The following KIF5B variants were observed in gnomAD, a reference collection of about 807,000 sequenced individuals.
KIF5B encodes kinesin-1 heavy chain.
In KIF5B, 49 loss-of-function variants were observed where a neutral mutation model predicts 132.8. The observed-to-expected ratio is 0.37, with a 90% CI of 0.29 to 0.47. KIF5B has a LOEUF of 0.47. Among genes scored for constraint, KIF5B ranks in the 20% least tolerant of loss-of-function variants. The pLI is 1.00. For synonymous variants in KIF5B, 355 were observed against 369.4 expected (o/e 0.96, Z 0.45); for missense variants, 780 against 1,144.0 (o/e 0.68, Z 4.59).
At chr10:32,044,040 C>A (rs1178917907) in intron 2 of KIF5B, among the ~76,000 whole-genome samples, 1 of 152,158 alleles carries the variant, frequency 6.6e-6, no homozygotes, top group African/African-American at 2.4e-5. Flanking sequence ...CCCTAGGTAC[C>A]CACGACCTAC....
At chr10:32,023,695 A>G (rs1841294488) in intron 15 of KIF5B, among the ~76,000 whole-genome samples, 1 of 152,208 alleles carries the variant, frequency 6.6e-6, no homozygotes, top group African/African-American at 2.4e-5. Flanking sequence ...ACAGAACAGA[A>G]TAAAGAGCCC....
Position 32,038,169 on chromosome 10 carries a change from A to G in KIF5B, c.492T>C (p.Tyr164=). 1 of 1,596,024 alleles carries G rather than the reference A, an allele frequency of 6.3e-7. No individual in the cohort carries two copies. Among genetic ancestry groups the G allele is most frequent in the Non-Finnish European group, 8.6e-7 (1 of 1,164,802 alleles). The change falls in exon 6 of 26, where the codon TAT becomes TAC. Residue 164 remains tyrosine (Y), a synonymous_variant. Coordinates refer to ENST00000302418, the MANE Select transcript of KIF5B (RefSeq NM_004521.3). ...ACAACTGTACTATAAATACCTTTAC[A>G]TAGGGAACTCGGTTTTTGTCTTCAT... ...SVHEDKNRVP[Y]VKGCTERFVC...
intron 15 of KIF5B, among the ~76,000 whole-genome samples, chr10:32,023,383 C>G (rs1180681184): frequency 6.6e-6 from 1 of 152,138 alleles, no homozygotes; most frequent in Non-Finnish European, 1.5e-5. Context: ...TCAGTAAATT[C>G]ATTGTTAATC....
chr10:32,024,064 C>A lies in KIF5B; in HGVS notation c.1726-1028G>T, dbSNP rs75378992. On this transcript the variant is annotated intron_variant, in intron 15 of 25. Coordinates refer to ENST00000302418, the MANE Select transcript of KIF5B (RefSeq NM_004521.3). ...TGACGTTGAGAGTAAAAAAAAAAAA[C>A]AAAAAAAAAAAAACAAGACACAGAG... 9.1e-3 allele frequency among the ~76,000 whole-genome samples: 906 copies of A among 99,644 alleles called. 11 individuals are homozygous for A. Among genetic ancestry groups the A allele is most frequent in the East Asian group, 0.088 (256 of 2,904 alleles). 65.4% of individuals were successfully genotyped at this position (99,644 alleles called of 152,430 possible).
chr10:32,040,373 T>C lies in KIF5B; in HGVS notation c.288+11A>G. ...GCAAACCACATCTAAGTACAGATTA[T>C]AAAACGTTACCTCCATTGTGTGTGT... On this transcript the variant is annotated intron_variant, in intron 3 of 25. Coordinates refer to ENST00000302418, the MANE Select transcript of KIF5B (RefSeq NM_004521.3). The C allele has an allele frequency of 6.5e-7, 1 of 1,532,908 alleles. No homozygotes were observed. Among genetic ancestry groups the C allele is most frequent in the Non-Finnish European group, 9.0e-7 (1 of 1,106,172 alleles). 95.0% of individuals were successfully genotyped at this position (1,532,908 alleles called of 1,614,324 possible).
At chr10:32,055,596 G>A (rs536202656) in intron 1 of KIF5B, among the ~76,000 whole-genome samples, 2 of 152,168 alleles carry the variant, frequency 1.3e-5, no homozygotes, top group Non-Finnish European at 1.5e-5. Context: ...TGCCCCAGGT[G>A]GGGGAGTGTC....
At chr10:32,047,025 A>G (rs1213464676) in intron 2 of KIF5B, among the ~76,000 whole-genome samples, 1 of 152,234 alleles carries the variant, frequency 6.6e-6, no homozygotes, top group East Asian at 1.9e-4. Flanking sequence ...AGTGTTAAAT[A>G]TTTCATATGA....
intron 15 of KIF5B, 138 bp downstream of exon 15, chr10:32,028,290 C>A (rs550730697): frequency 4.5e-5 from 28 of 626,608 alleles, no homozygotes; most frequent in Non-Finnish European, 6.1e-5. Context: ...ATTTAAAATG[C>A]GGTTAATAAC....
chr10:32,022,993 G>C lies in KIF5B; in HGVS notation c.1769C>G (p.Ala590Gly). Reference protein sequence around the residue: ...TGMIDEEFTVARLYISKMKSE... With the variant: ...TGMIDEEFTVGRLYISKMKSE... ...CTTCATTTTGCTAATGTAGAGTCTT[G>C]CAACAGTGAACTCTTCATCTATCAT... is the stretch of plus-strand genomic sequence containing the variant. The change falls in exon 16 of 26, where the codon GCA (alanine) becomes GGA (glycine). Residue 590 changes from alanine (A) to glycine (G), a missense_variant. Ala to Gly is a moderately conservative substitution (Grantham distance 60, BLOSUM62 0). Around this residue, in one of 9 missense-constraint regions of KIF5B, gnomAD observed 471 missense variants for 569.9 expected, o/e 0.83. Transcript: ENST00000302418. The C allele has an allele frequency of 1.2e-6, 2 of 1,611,552 alleles. No homozygotes were observed. Among genetic ancestry groups the C allele is most frequent in the Non-Finnish European group, 1.7e-6 (2 of 1,178,428 alleles).
intron 2 of KIF5B, among the ~76,000 whole-genome samples, 178 bp downstream of exon 2, chr10:32,048,286 T>C (rs978812629): frequency 6.6e-6 from 1 of 152,212 alleles, no homozygotes; most frequent in African/African-American, 2.4e-5. Context: ...ATCATGGAAT[T>C]TGAGCAATAG....
intron 20 of KIF5B, 102 bp downstream of exon 20, chr10:32,019,756 T>C: frequency 5.6e-6 from 4 of 714,988 alleles, no homozygotes; most frequent in Non-Finnish European, 6.9e-6. Flanking sequence ...CTTTAGCCCA[T>C]ACAAAGTAAA....
chr10:32,022,255 A>C lies in KIF5B; in HGVS notation c.1917T>G (p.His639Gln). 1 of 1,549,506 alleles carries C rather than the reference A, an allele frequency of 6.5e-7. No homozygotes were observed. The highest frequency in any genetic ancestry group is 8.9e-7 in the Non-Finnish European group (1 of 1,124,342). Residue 639 changes from histidine (H) to glutamine (Q), a missense_variant and splice_region_variant, in exon 17 of 26, where the codon CAT (histidine) becomes CAG (glutamine). By Grantham distance (24) the His-to-Gln change is conservative. Transcript: ENST00000302418. ...LAACQLRISQ[H>Q]EAKIKSLTEY... is the part of the protein sequence containing the mutation. Reference sequence around the variant, plus strand: ...CAGTCAATGACTTGATTTTGGCTTCATGCTTTTGGAAAAAATATACTGATA... The same window carrying C: ...CAGTCAATGACTTGATTTTGGCTTCCTGCTTTTGGAAAAAATATACTGATA...
chr10:32,040,109 A>C (rs1386326046), intron 3 of KIF5B, among the ~76,000 whole-genome samples: 2 of 152,210 alleles, frequency 1.3e-5, no homozygotes, highest in Non-Finnish European at 2.9e-5. Flanking sequence ...CCCATATAAC[A>C]GGGTGACAAA....
chr10:32,038,303 G>C, intron 5 of KIF5B, 85 bp from the exon 6 acceptor site: 1 of 898,534 alleles, frequency 1.1e-6, no homozygotes, highest in Admixed American at 2.0e-5. Flanking sequence ...TTCCTGAGCA[G>C]CCTAACAGCA....
intron 16 of KIF5B, 57 bp from the exon 17 acceptor site, chr10:32,022,314 T>G (rs1265422306): frequency 1.2e-6 from 1 of 803,114 alleles, no homozygotes; most frequent in East Asian, 2.5e-5. Context: ...ACTTTAAGAA[T>G]ATTTGACAGT....
intron 15 of KIF5B, among the ~76,000 whole-genome samples, chr10:32,025,744 T>C (rs1357846435): frequency 6.6e-6 from 1 of 152,174 alleles, no homozygotes; most frequent in East Asian, 1.9e-4. Flanking sequence ...CATAGGTGAA[T>C]GGATAAACAA....
intron 2 of KIF5B, among the ~76,000 whole-genome samples, chr10:32,045,316 T>C (rs952546268): frequency 1.3e-5 from 2 of 151,858 alleles, no homozygotes; most frequent in East Asian, 1.9e-4. Context: ...AGAAAAAAAA[T>C]AATGAATGAA....
intron 24 of KIF5B, among the ~76,000 whole-genome samples, chr10:32,016,404 C>T (rs1201341980): frequency 1.3e-5 from 2 of 151,720 alleles, no homozygotes; most frequent in African/African-American, 4.8e-5. Context: ...TGCAGTGAGC[C>T]GAGATCACGC....
chr10:32,055,769 C>A, intron 1 of KIF5B, 79 bp downstream of exon 1: 1 of 1,555,908 alleles, frequency 6.4e-7, no homozygotes, highest in Non-Finnish European at 8.7e-7. Context: ...TTCAATTCTG[C>A]ACCCTGCCAC....
Sources: gnomAD v4.1 joint callset for allele counts (sites outside exome capture counted in the v4.1 genomes callset) on GRCh38, gnomAD v4.1.1 for gene constraint, gnomAD v4.1.1 regional missense constraint, MANE v1.5 for transcripts, NCBI Gene and HGNC (gene_info 2026-07-23, HGNC 2026-07-21) for gene names.